Variants in DNAJC21 observed in about 807,000 individuals in gnomAD.
DNAJC21 encodes dnaJ homolog subfamily C member 21.
DNAJC21 carries 63 observed loss-of-function variants against 72.4 expected under a neutral mutation model. That is an observed-to-expected ratio of 0.87 (90% CI 0.71 to 1.07). DNAJC21 has a LOEUF of 1.07. Among genes scored for constraint, DNAJC21 ranks in the 50% least tolerant of loss-of-function variants. The pLI is 0.00. For missense variants in DNAJC21, 634 were observed against 644.8 expected (o/e 0.98, Z 0.18); for synonymous variants, 203 against 216.7 (o/e 0.94, Z 0.56).
In DNAJC21 at chr5:34,929,837, G is replaced by A. The variant is rs756537380; in HGVS notation, c.18G>A (p.Glu6=). The A allele has an allele frequency of 3.2e-6, 5 of 1,564,512 alleles. No individual in the cohort carries two copies. Among genetic ancestry groups the A allele is most frequent in the Non-Finnish European group, 4.3e-6 (5 of 1,155,470 alleles). Residue 6 remains glutamate (E), a synonymous_variant, in exon 1 of 12, where the codon GAG becomes GAA. Coordinates refer to ENST00000648817, the MANE Select transcript of DNAJC21 (RefSeq NM_001012339.3). MKCHY[E]ALGVRRDASE... ...GTCGGGCGATGAAGTGTCACTATGA[G>A]GCGCTGGGGGTGCGGCGCGACGCCA...
At position 34,938,977 on chromosome 5, in the gene DNAJC21, T is replaced by A. The variant is rs1764891286; in HGVS notation, c.863T>A (p.Met288Lys). The change falls in exon 6 of 12, where the codon ATG becomes AAG. Residue 288 changes from methionine to lysine, a missense_variant. By Grantham distance (95) the Met-to-Lys change is moderately conservative (BLOSUM62 -1). Transcript: ENST00000648817. ...EFGDGSDENE[M>K]EEHELKDEED... is the part of the protein sequence containing the mutation. Reference sequence around the variant, plus strand: ...GGAGATGGATCGGATGAAAATGAAATGGAAGAACATGAACTCAAAGATGAG... The same window carrying A: ...GGAGATGGATCGGATGAAAATGAAAAGGAAGAACATGAACTCAAAGATGAG... 6.2e-7 allele frequency: 1 copy of A among 1,612,888 alleles called. No individual in the cohort carries two copies. Among genetic ancestry groups the A allele is most frequent in the Non-Finnish European group, 8.5e-7 (1 of 1,179,418 alleles).
Position 34,931,611 on chromosome 5 carries a change from TAGCCCAA to T in DNAJC21, c.97+1696_97+1702del, listed in dbSNP as rs1305890525. On this transcript the variant is annotated intron_variant, in intron 1 of 11. Coordinates refer to ENST00000648817, the MANE Select transcript of DNAJC21 (RefSeq NM_001012339.3). ...TTGTATTTCTTGTAATCTTGAATATTAGCCCAAGGACTGTGAAATTTGCTTCGCTAAA... is the reference window on the plus strand; with the variant it reads ...TTGTATTTCTTGTAATCTTGAATATTGGACTGTGAAATTTGCTTCGCTAAA... Among the ~76,000 whole-genome samples, 1,220 of 152,350 alleles carry T rather than the reference TAGCCCAA, an allele frequency of 8.0e-3. 12 individuals are homozygous for T. Among genetic ancestry groups the T allele is most frequent in the African/African-American group, 0.028 (1,180 of 41,568 alleles).
In DNAJC21 at chr5:34,950,343, G is replaced by A. The variant is rs1390252693; in HGVS notation, c.1358+1G>A. 6.2e-7 allele frequency: 1 copy of A among 1,606,506 alleles called. No individual in the cohort carries two copies. Among genetic ancestry groups the A allele is most frequent in the Non-Finnish European group, 8.5e-7 (1 of 1,177,276 alleles). Reference sequence around the variant, plus strand: ...ATGATCCAAAAAGTGAAGCTAAAAGGTAAGTCAAAGTTGCATATTATTTGT... The same window carrying A: ...ATGATCCAAAAAGTGAAGCTAAAAGATAAGTCAAAGTTGCATATTATTTGT... On this transcript the variant is annotated splice_donor_variant, in intron 10 of 11. Transcript: ENST00000648817. LOFTEE classifies it high-confidence loss of function.
At chr5:34,931,870 T>C (rs960444872) in intron 1 of DNAJC21, among the ~76,000 whole-genome samples, 2 of 152,196 alleles carry the variant, frequency 1.3e-5, no homozygotes, top group African/African-American at 4.8e-5. Flanking sequence ...AAATCAGTGC[T>C]AGGAAGAAGC....
intron 10 of DNAJC21, 101 bp downstream of exon 10, chr5:34,950,443 G>A: frequency 6.8e-7 from 1 of 1,466,656 alleles, no homozygotes; most frequent in East Asian, 2.5e-5. Context: ...TGACTGACCA[G>A]GTAATTTAGA....
chr5:34,949,648 T>C lies in DNAJC21; in HGVS notation c.1186-522T>C. On this transcript the variant is annotated intron_variant, in intron 9 of 11. Transcript: ENST00000648817. ...AAGAGATGGAGAGAGCGAGCACAAA[T>C]GTGCCAAAATGTTGCTTGAAAACAG... The C allele has an allele frequency of 3.1e-6, 5 of 1,613,412 alleles. No individual in the cohort carries two copies. The South Asian group carries it at 3.3e-5, about 11-fold the overall frequency.
At chr5:34,953,106 C>T (rs190270618) in intron 10 of DNAJC21, among the ~76,000 whole-genome samples, 11 of 151,956 alleles carry the variant, frequency 7.2e-5, no homozygotes, top group Admixed American at 4.6e-4. Context: ...GCCAAGATCG[C>T]GCCACTGCAC....
At chr5:34,950,794 G>C in intron 10 of DNAJC21, 2 of 987,338 alleles carry the variant, frequency 2.0e-6, no homozygotes, top group Non-Finnish European at 2.4e-6. Context: ...GCTCAGAGGA[G>C]CCCTGGACTC....
Position 34,944,789 on chromosome 5 carries a change from G to T in DNAJC21, c.984-78G>T, listed in dbSNP as rs1006170334. 2.5e-6 allele frequency: 4 copies of T among 1,569,756 alleles called. No individual in the cohort carries two copies. The African/African-American group carries it at 5.5e-5, about 22-fold the overall frequency. On this transcript the variant is annotated intron_variant, in intron 7 of 11. Transcript: ENST00000648817. ...TGGGAAAAAAGCTAATTTTATCTTGGTTGCAGTTATCCAGCAACATTATCT... is the reference window on the plus strand; with the variant it reads ...TGGGAAAAAAGCTAATTTTATCTTGTTTGCAGTTATCCAGCAACATTATCT...
intron 1 of DNAJC21, 62 bp downstream of exon 1, chr5:34,929,978 C>T: frequency 7.4e-7 from 1 of 1,343,236 alleles, no homozygotes; most frequent in Non-Finnish European, 1.0e-6. Context: ...CCCGACCTTC[C>T]CTTCCCCCGG....
chr5:34,949,777 C>T lies in DNAJC21; in HGVS notation c.1186-393C>T, dbSNP rs200979717. ...AGAAGAATAGTTGCTCATTGCTTAT[C>T]ATTTGGAATATGGAAAAGTATCATC... On this transcript the variant is annotated intron_variant, in intron 9 of 11. Coordinates refer to ENST00000648817, the MANE Select transcript of DNAJC21 (RefSeq NM_001012339.3). 91 of 1,539,536 alleles carry T rather than the reference C, an allele frequency of 5.9e-5. No individual in the cohort carries two copies. In the Middle Eastern group the frequency reaches 7.6e-4, roughly 13 times the overall value.
At chr5:34,937,244 ATGTTTCGCATCAGTAATAT>A in intron 4 of DNAJC21, 63 bp from the exon 5 acceptor site, 1 of 1,385,564 alleles carries the variant, frequency 7.2e-7, no homozygotes, top group Non-Finnish European at 9.8e-7. Flanking sequence ...AAGGTAAAAG[ATGTTTCGCATCAGTAATAT>A]TTACTGCTTT....
rs1765132327 is a variant in DNAJC21 at position 34,945,160 on chromosome 5, C to T, written c.1142+135C>T. On this transcript the variant is annotated intron_variant, in intron 8 of 11. Transcript: ENST00000648817. The stretch of plus-strand genomic sequence containing the variant: ...TGGCGCAGTCTCAGCTCACTGCAAC[C>T]TCCAACTTGTGGGTTCAAGTGATTC... 1.0e-5 allele frequency: 11 copies of T among 1,059,342 alleles called. No individual in the cohort carries two copies. The East Asian group carries it at 2.8e-4, about 27-fold the overall frequency. The allele number at this position is 1,059,342 out of a possible 1,614,324, so 65.6% of individuals were successfully genotyped here.
intron 9 of DNAJC21, among the ~76,000 whole-genome samples, chr5:34,947,082 G>A (rs1765196109): frequency 1.3e-5 from 2 of 152,020 alleles, no homozygotes; most frequent in Non-Finnish European, 2.9e-5. Flanking sequence ...AAGAGCAGAC[G>A]GCAGCAAATA....
chr5:34,949,986 G>T (rs1765305429), intron 9 of DNAJC21, among the ~76,000 whole-genome samples, 184 bp from the exon 10 acceptor site: 3 of 152,052 alleles, frequency 2.0e-5, no homozygotes, highest in South Asian at 4.1e-4. Flanking sequence ...TTCACTTTTT[G>T]AACATTTGGA....
At chr5:34,949,644 C>T (rs1765293947) in intron 9 of DNAJC21, 1 of 1,612,986 alleles carries the variant, frequency 6.2e-7, no homozygotes, top group Non-Finnish European at 8.5e-7. Context: ...AGAGCGAGCA[C>T]AAATGTGCCA....
At chr5:34,936,639 C>G (rs1255830308) in intron 4 of DNAJC21, among the ~76,000 whole-genome samples, 1 of 152,202 alleles carries the variant, frequency 6.6e-6, no homozygotes, top group Non-Finnish European at 1.5e-5. Flanking sequence ...ACAATTGGTT[C>G]TAGTTCTCGA....
chr5:34,930,515 G>A (rs1267613003), intron 1 of DNAJC21, among the ~76,000 whole-genome samples: 2 of 152,082 alleles, frequency 1.3e-5, no homozygotes. Flanking sequence ...GATTCTGCCG[G>A]GGAAGGTTTT....
chr5:34,941,146 T>C lies in DNAJC21; in HGVS notation c.946T>C (p.Cys316Arg), dbSNP rs769693571. The change falls in exon 7 of 12, where the codon TGC (cysteine) becomes CGC (arginine). Residue 316 changes from cysteine to arginine, a missense_variant. Physicochemically the swap from Cys to Arg is radical, Grantham distance 180 (BLOSUM62 -3). Transcript: ENST00000648817. Reference sequence around the variant, plus strand: ...CGCTGAGCTCTATGATGACCTTTACTGCCCAGCATGTGACAAATCGTTCAA... The same window carrying C: ...CGCTGAGCTCTATGATGACCTTTACCGCCCAGCATGTGACAAATCGTTCAA... ...EDAELYDDLY[C>R]PACDKSFKTE... 2 of 1,614,190 alleles carry C rather than the reference T, an allele frequency of 1.2e-6. No individual in the cohort carries two copies. Among genetic ancestry groups the C allele is most frequent in the South Asian group, 1.1e-5 (1 of 91,080 alleles).
Sources: gnomAD v4.1 joint callset for allele counts (sites outside exome capture counted in the v4.1 genomes callset) on GRCh38, gnomAD v4.1.1 for gene constraint, MANE v1.5 for transcripts, NCBI Gene and HGNC (gene_info 2026-07-23, HGNC 2026-07-21) for gene names.